PCDH15: variants seen among roughly 807,000 people sequenced by gnomAD.
The protein encoded by PCDH15 is protocadherin related 15.
A neutral mutation model predicts 178.5 loss-of-function variants in PCDH15; 129 were observed. The observed-to-expected ratio is 0.72, with a 90% CI of 0.63 to 0.84. The LOEUF (loss-of-function observed/expected upper bound fraction) is 0.84, where lower values mean the gene tolerates loss of function less well. Among genes scored for constraint, PCDH15 ranks in the 40% least tolerant of loss-of-function variants. The pLI, the probability that PCDH15 is intolerant of heterozygous loss-of-function variation, is 0.00. For synonymous variants in PCDH15, 800 were observed against 732.0 expected (o/e 1.09, Z -1.50); for missense variants, 2,230 against 2,099.9 (o/e 1.06, Z -1.21).
At chr10:54,628,065 G>C (rs1215634043) in intron 2 of PCDH15, among the ~76,000 whole-genome samples, 1 of 152,136 alleles carries the variant, frequency 6.6e-6, no homozygotes, top group African/African-American at 2.4e-5. Context: ...TTTGAAATGT[G>C]TAACAGGCTA....
chr10:53,821,895 G>C lies in PCDH15; in HGVS notation c.4368-1665C>G, dbSNP rs746479674. ...AGATTGACTGTGAGATTGTTTTTCA[G>C]TTCCCTCGACAATATTGTTCAAACT... On this transcript the variant is annotated intron_variant, in intron 32 of 37. Coordinates refer to ENST00000644397, the MANE Select transcript of PCDH15 (RefSeq NM_001384140.1). 9.9e-6 allele frequency: 16 copies of C among 1,613,530 alleles called. No individual in the cohort carries two copies. The South Asian group carries it at 1.8e-4, about 18-fold the overall frequency.
chr10:54,418,416 C>T (rs930229304), intron 3 of PCDH15, among the ~76,000 whole-genome samples: 1 of 151,816 alleles, frequency 6.6e-6, no homozygotes, highest in African/African-American at 2.4e-5. Context: ...CAAATGTCTG[C>T]AATTATCCTT....
In PCDH15 at chr10:55,582,596, G is replaced by GTATATA. The variant is rs56817323; in HGVS notation, c.-156+45023_-156+45028dup. Among the ~76,000 whole-genome samples the GTATATA allele has an allele frequency of 4.3e-3, 384 of 90,248 alleles. 2 individuals carry two copies. The highest frequency in any genetic ancestry group is 6.3e-3 in the Non-Finnish European group (311 of 49,022). The allele number at this position is 90,248 out of a possible 152,430, so 59.2% of individuals were successfully genotyped here. On this transcript the variant is annotated intron_variant, in intron 2 of 5. Coordinates refer to the PCDH15 transcript ENST00000613346. Reference sequence around the variant, plus strand: ...AACTGGCTATTCTGTATGTGTATGTGTATATATATATATATATATATATAT... The same window carrying GTATATA: ...AACTGGCTATTCTGTATGTGTATGTGTATATATATATATATATATATATATATATAT...
At chr10:54,556,650 G>C (rs996761474) in intron 2 of PCDH15, among the ~76,000 whole-genome samples, 1 of 141,392 alleles carries the variant, frequency 7.1e-6, no homozygotes, top group African/African-American at 2.5e-5. Context: ...GCTGTAGGGG[G>C]TGAATTTTTT....
intron 2 of PCDH15, among the ~76,000 whole-genome samples, chr10:55,444,800 T>G (rs1158725360): frequency 6.6e-6 from 1 of 152,144 alleles, no homozygotes; most frequent in African/African-American, 2.4e-5. Context: ...TCTATCAATT[T>G]GATTAAAATT....
intron 14 of PCDH15, among the ~76,000 whole-genome samples, chr10:54,138,109 T>C (rs1377038095): frequency 6.6e-6 from 1 of 152,148 alleles, no homozygotes; most frequent in East Asian, 1.9e-4. Flanking sequence ...CCTCTCAGTT[T>C]GAGAATTTTT....
intron 26 of PCDH15, among the ~76,000 whole-genome samples, chr10:53,877,886 C>T (rs2080360201): frequency 6.6e-6 from 1 of 152,034 alleles, no homozygotes; most frequent in African/African-American, 2.4e-5. Context: ...CAATTTCAGG[C>T]TCTCATCAGA....
chr10:54,027,187 A>G (rs2093128418), intron 18 of PCDH15, among the ~76,000 whole-genome samples: 1 of 148,630 alleles, frequency 6.7e-6, no homozygotes, highest in Non-Finnish European at 1.5e-5. Context: ...ACTCCCATTC[A>G]CAATTGCTTC....
chr10:55,507,907 T>G (rs965176087), intron 2 of PCDH15, among the ~76,000 whole-genome samples: 8 of 151,634 alleles, frequency 5.3e-5, no homozygotes, highest in Non-Finnish European at 1.2e-4. Context: ...TAAAAAAACA[T>G]GTAATCATTG....
intron 1 of PCDH15, among the ~76,000 whole-genome samples, chr10:54,799,280 TACAAC>T (rs1432038530): frequency 1.3e-5 from 2 of 152,142 alleles, no homozygotes; most frequent in Non-Finnish European, 2.9e-5. Flanking sequence ...AATAAAAAGA[TACAAC>T]ACATACCATG....
chr10:55,508,829 T>C (rs1337232679), intron 2 of PCDH15, among the ~76,000 whole-genome samples: 1 of 151,468 alleles, frequency 6.6e-6, no homozygotes, highest in Non-Finnish European at 1.5e-5. Flanking sequence ...AGAAGTTGTA[T>C]TGTATTGTAT....
chr10:54,460,591 A>C (rs1229657686), intron 3 of PCDH15, among the ~76,000 whole-genome samples: 1 of 152,096 alleles, frequency 6.6e-6, no homozygotes, highest in East Asian at 1.9e-4. Context: ...GCAGAAGATT[A>C]AAAGAGAAGC....
chr10:55,440,227 G>A (rs1193598107), intron 2 of PCDH15, among the ~76,000 whole-genome samples: 5 of 152,046 alleles, frequency 3.3e-5, no homozygotes, highest in Non-Finnish European at 7.4e-5. Context: ...AACAAAGTAC[G>A]ACACCAAACA....
At chr10:54,497,373 G>T (rs2080226905) in intron 3 of PCDH15, among the ~76,000 whole-genome samples, 1 of 152,100 alleles carries the variant, frequency 6.6e-6, no homozygotes, top group Non-Finnish European at 1.5e-5. Context: ...AAGAATTCTG[G>T]TGACTATAAA....
chr10:55,522,452 C>A (rs2132166630), intron 2 of PCDH15, among the ~76,000 whole-genome samples: 1 of 151,808 alleles, frequency 6.6e-6, no homozygotes, highest in Admixed American at 6.6e-5. Context: ...CTGTCTATTT[C>A]TCCTTTCAGT....
intron 2 of PCDH15, among the ~76,000 whole-genome samples, chr10:55,148,010 C>T (rs570281439): frequency 6.6e-6 from 1 of 151,978 alleles, no homozygotes; most frequent in African/African-American, 2.4e-5. Context: ...TCTTCCTCAA[C>T]TCTACCTGTA....
At chr10:53,852,437 T>C (rs1001673781) in intron 28 of PCDH15, among the ~76,000 whole-genome samples, 4 of 152,084 alleles carry the variant, frequency 2.6e-5, no homozygotes, top group African/African-American at 2.4e-5. Flanking sequence ...AAAAGGTATA[T>C]GTTTCCTTAC....
intron 28 of PCDH15, among the ~76,000 whole-genome samples, chr10:53,842,023 C>T (rs2077684731): frequency 6.6e-6 from 1 of 150,640 alleles, no homozygotes; most frequent in South Asian, 2.1e-4. Context: ...AGTCTAACAT[C>T]ATTTGGACTG....
At chr10:54,679,341 CGAAA>C (rs1354392164) in intron 1 of PCDH15, among the ~76,000 whole-genome samples, 3 of 151,968 alleles carry the variant, frequency 2.0e-5, no homozygotes, top group African/African-American at 4.8e-5. Flanking sequence ...TGATACTTAT[CGAAA>C]GAGTTTGTAG....
Sources: allele counts gnomAD v4.1 joint callset (sites outside exome capture counted in the v4.1 genomes callset), GRCh38; gene constraint gnomAD v4.1.1; transcripts MANE v1.5; gene names NCBI Gene and HGNC (gene_info 2026-07-23, HGNC 2026-07-21).